Variants in MAP4K4 observed in about 807,000 individuals in gnomAD.
MAP4K4 encodes HPK/GCK-like kinase HGK.
MAP4K4 carries 38 observed loss-of-function variants against 189.6 expected under a neutral mutation model. The observed-to-expected ratio is 0.20, with a 90% CI of 0.15 to 0.26. MAP4K4 has a LOEUF of 0.26. Among genes scored for constraint, MAP4K4 ranks in the 10% least tolerant of loss-of-function variants. MAP4K4 has a pLI of 1.00. For synonymous variants in MAP4K4, 610 were observed against 624.3 expected (o/e 0.98, Z 0.34); for missense variants, 1,054 against 1,726.9 (o/e 0.61, Z 6.91).
chr2:101,732,375 A>G (rs1211530680), intron 2 of MAP4K4, among the ~76,000 whole-genome samples: 1 of 152,192 alleles, frequency 6.6e-6, no homozygotes, highest in African/African-American at 2.4e-5. Context: ...TGGTTTTACC[A>G]TCTCGAGGTG....
At chr2:101,829,464 T>G (rs1304585608) in intron 5 of MAP4K4, 40 bp from the exon 6 acceptor site, 1 of 1,396,752 alleles carries the variant, frequency 7.2e-7, no homozygotes, top group Admixed American at 1.9e-5. Flanking sequence ...TTACTTATAG[T>G]CACAGAAAAC....
intron 2 of MAP4K4, among the ~76,000 whole-genome samples, chr2:101,735,723 TC>T (rs1480254660): frequency 2.0e-5 from 3 of 152,122 alleles, no homozygotes; most frequent in African/African-American, 7.2e-5. Flanking sequence ...GTAGGGTGGG[TC>T]CCATGGAACA....
At chr2:101,814,446 G>A (rs763288579) in intron 3 of MAP4K4, among the ~76,000 whole-genome samples, 7 of 152,240 alleles carry the variant, frequency 4.6e-5, no homozygotes, top group Non-Finnish European at 8.8e-5. Flanking sequence ...AGGCATGTGA[G>A]CTGTGATACA....
exon 24 of MAP4K4, chr2:101,871,498 C>T (rs767451381): frequency 2.0e-6 from 3 of 1,534,180 alleles, no homozygotes; most frequent in South Asian, 1.2e-5. Context: ...CTACAGAGTA[C>T]AGTTGACCAA....
Position 101,764,833 on chromosome 2 carries a change from A to C in MAP4K4, c.124-25887A>C, listed in dbSNP as rs1013072286. On this transcript the variant is annotated intron_variant, in intron 2 of 32. Transcript: ENST00000324219. ...TTTTCTCCTGCATTCTCTCTTGTTT[A>C]TAAACATATCCCTTGAAATCCTAGA... Among the ~76,000 whole-genome samples, 6 of 152,260 alleles carry C rather than the reference A, an allele frequency of 3.9e-5. No individual in the cohort carries two copies. In the South Asian group the frequency reaches 1.2e-3, roughly 32 times the overall value.
chr2:101,740,244 C>T lies in MAP4K4; in HGVS notation c.123+41706C>T, dbSNP rs372270456. ...TCTCGGCTCACTGCAAGCTCCGCCT[C>T]CCGGGTTCACGCTATTCTCCTGCCT... On this transcript the variant is annotated intron_variant, in intron 2 of 32. Transcript: ENST00000324219. 2.4e-4 allele frequency among the ~76,000 whole-genome samples: 24 copies of T among 101,598 alleles called. 1 individual carries two copies. The East Asian group carries it at 3.6e-3, about 15-fold the overall frequency. 66.7% of individuals were successfully genotyped at this position (101,598 alleles called of 152,430 possible).
chr2:101,714,991 G>T (rs2047635353), intron 2 of MAP4K4, among the ~76,000 whole-genome samples: 1 of 152,120 alleles, frequency 6.6e-6, no homozygotes, highest in South Asian at 2.1e-4. Flanking sequence ...AGACCCAAAA[G>T]AACAAATGTA....
intron 28 of MAP4K4, 111 bp downstream of exon 28, chr2:101,882,796 T>G (rs2098420423): frequency 1.9e-6 from 2 of 1,052,648 alleles, no homozygotes; most frequent in Non-Finnish European, 2.7e-6. Context: ...AACTTGTTTC[T>G]GAAACACGTG....
chr2:101,713,571 G>A (rs2046773138), intron 2 of MAP4K4, among the ~76,000 whole-genome samples: 1 of 136,158 alleles, frequency 7.3e-6, no homozygotes, highest in South Asian at 2.5e-4. Context: ...ACTCCAGCCT[G>A]GGGTGACAGA....
chr2:101,740,779 T>A (rs2062388634), intron 2 of MAP4K4, among the ~76,000 whole-genome samples: 1 of 152,124 alleles, frequency 6.6e-6, no homozygotes, highest in Non-Finnish European at 1.5e-5. Flanking sequence ...AAAAACCTTA[T>A]TTTTAGAGTA....
intron 32 of MAP4K4, 149 bp downstream of exon 32, chr2:101,889,084 G>GA: frequency 1.4e-6 from 1 of 731,886 alleles, no homozygotes; most frequent in South Asian, 2.1e-5. Flanking sequence ...TGTTTGTGAG[G>GA]ATTGGGGAAT....
At chr2:101,741,658 T>G (rs2062887675) in intron 2 of MAP4K4, among the ~76,000 whole-genome samples, 1 of 152,164 alleles carries the variant, frequency 6.6e-6, no homozygotes, top group Non-Finnish European at 1.5e-5. Flanking sequence ...TAAAGTTATT[T>G]GAAGTTTTCA....
intron 26 of MAP4K4, among the ~76,000 whole-genome samples, chr2:101,874,717 A>T (rs879584183): frequency 6.6e-6 from 1 of 152,186 alleles, no homozygotes; most frequent in Non-Finnish European, 1.5e-5. Flanking sequence ...TTCATTTTTC[A>T]TGCTTGTAAT....
chr2:101,861,247 G>A (rs1159756081), intron 16 of MAP4K4: 2 of 310,786 alleles, frequency 6.4e-6, no homozygotes. Context: ...CCTAACTCAG[G>A]TGTTAAGTGC....
chr2:101,737,074 A>G (rs369954073), intron 2 of MAP4K4, among the ~76,000 whole-genome samples: 3 of 152,334 alleles, frequency 2.0e-5, no homozygotes, highest in East Asian at 3.9e-4. Flanking sequence ...TGACAAAACC[A>G]TGAAACACAG....
intron 27 of MAP4K4, among the ~76,000 whole-genome samples, chr2:101,880,515 T>A (rs2098354806): frequency 6.6e-6 from 1 of 151,900 alleles, no homozygotes; most frequent in Non-Finnish European, 1.5e-5. Context: ...AGTTCTATTT[T>A]TTTTTTTTTT....
At chr2:101,808,300 C>T (rs916846992) in intron 3 of MAP4K4, among the ~76,000 whole-genome samples, 1 of 152,154 alleles carries the variant, frequency 6.6e-6, no homozygotes, top group African/African-American at 2.4e-5. Flanking sequence ...AGTGAGGGAC[C>T]CTGCGTCTTC....
rs570405900 is a variant in MAP4K4, at chr2:101,711,558, C to T, written c.123+13020C>T. ...GCGTGAGCCATTGGGCCTGGCCTTG[C>T]TCTTTGATAATATGGACAAAAGAGA... On this transcript the variant is annotated intron_variant, in intron 2 of 32. Transcript: ENST00000324219. 2.9e-3 allele frequency among the ~76,000 whole-genome samples: 442 copies of T among 152,162 alleles called. 1 individual carries two copies. The highest frequency in any genetic ancestry group is 5.1e-3 in the Non-Finnish European group (347 of 67,990).
Position 101,731,073 on chromosome 2 carries a change from A to G in MAP4K4, c.123+32535A>G, listed in dbSNP as rs564746336. On this transcript the variant is annotated intron_variant, in intron 2 of 32. Transcript: ENST00000324219. ...AAAAAACCAAACAGTTGAATAGTAT[A>G]TATTTATATTGATTTGAATGTGACA... Among the ~76,000 whole-genome samples, 8 of 151,848 alleles carry G rather than the reference A, an allele frequency of 5.3e-5. No homozygotes were observed. The South Asian group carries it at 1.2e-3, about 24-fold the overall frequency.
Sources: gnomAD v4.1 joint callset for allele counts (sites outside exome capture counted in the v4.1 genomes callset) on GRCh38, gnomAD v4.1.1 for gene constraint, MANE v1.5 for transcripts, NCBI Gene and HGNC (gene_info 2026-07-23, HGNC 2026-07-21) for gene names.